CSMD1: variants seen among roughly 807,000 people sequenced by gnomAD.
The protein encoded by CSMD1 is CUB and sushi domain-containing protein 1.
A neutral mutation model predicts 417.5 loss-of-function variants in CSMD1; 213 were observed. That is an observed-to-expected ratio of 0.51 (90% confidence interval 0.46 to 0.57). The LOEUF (loss-of-function observed/expected upper bound fraction) is 0.57. CSMD1 is among the 20% of genes least tolerant of loss of function. The pLI, the probability that CSMD1 is intolerant of heterozygous loss-of-function variation, is 0.00. For missense variants in CSMD1, 6,923 were observed against 4,529.7 expected (o/e 1.53, Z -15.17); for synonymous variants, 2,862 against 1,736.8 (o/e 1.65, Z -16.11).
intron 3 of CSMD1, among the ~76,000 whole-genome samples, chr8:4,290,385 A>G (rs1488029843): frequency 5.9e-5 from 9 of 152,244 alleles, no homozygotes; most frequent in Admixed American, 5.2e-4. Context: ...CCAAAGACGT[A>G]GGAAGTGGTA....
chr8:4,912,855 G>T (rs1281095982), intron 1 of CSMD1, among the ~76,000 whole-genome samples: 1 of 151,886 alleles, frequency 6.6e-6, no homozygotes, highest in Non-Finnish European at 1.5e-5. Flanking sequence ...GTGCAACCTT[G>T]GCTTACTACA....
intron 3 of CSMD1, among the ~76,000 whole-genome samples, chr8:4,250,130 A>T (rs1447783271): frequency 6.6e-6 from 1 of 152,162 alleles, no homozygotes; most frequent in Non-Finnish European, 1.5e-5. Context: ...ATCAACTACC[A>T]GTGACTTCAT....
intron 5 of CSMD1, among the ~76,000 whole-genome samples, chr8:3,865,323 A>T (rs889981116): frequency 6.6e-6 from 1 of 152,118 alleles, no homozygotes; most frequent in Non-Finnish European, 1.5e-5. Context: ...CTCAATTTTT[A>T]ATCTGTAAAC....
At chr8:4,008,588 C>CTTTCTTTT (rs1563312899) in intron 4 of CSMD1, among the ~76,000 whole-genome samples, 1 of 87,860 alleles carries the variant, frequency 1.1e-5, no homozygotes, top group Non-Finnish European at 2.5e-5. Flanking sequence ...TCAGTATTTT[C>CTTTCTTTT]TTTCTTTTTT....
At chr8:4,461,108 C>G (rs966622881) in intron 2 of CSMD1, among the ~76,000 whole-genome samples, 3 of 150,614 alleles carry the variant, frequency 2.0e-5, no homozygotes, top group Admixed American at 6.6e-5. Context: ...GGCTTAGCAT[C>G]TGAAAATCTA....
chr8:4,588,541 T>A (rs1799818313), intron 2 of CSMD1, among the ~76,000 whole-genome samples: 1 of 151,966 alleles, frequency 6.6e-6, no homozygotes, highest in African/African-American at 2.4e-5. Context: ...ATGCCTGTAA[T>A]CCCAGCCCTT....
At chr8:4,616,796 G>C (rs928203067) in intron 2 of CSMD1, among the ~76,000 whole-genome samples, 1 of 152,154 alleles carries the variant, frequency 6.6e-6, no homozygotes, top group Non-Finnish European at 1.5e-5. Flanking sequence ...GTAGAATCCA[G>C]AGGAAAAAAC....
At chr8:3,795,851 ATATCTATCAT>A (rs1800057815) in intron 5 of CSMD1, among the ~76,000 whole-genome samples, 1 of 87,688 alleles carries the variant, frequency 1.1e-5, no homozygotes, top group Admixed American at 1.2e-4. Context: ...ATATAGATAT[ATATCTATCAT>A]GTACAGATAT....
At chr8:4,590,762 G>C (rs978590563) in intron 2 of CSMD1, among the ~76,000 whole-genome samples, 4 of 151,926 alleles carry the variant, frequency 2.6e-5, no homozygotes, top group Admixed American at 6.6e-5. Context: ...GCTTATCTGA[G>C]GACACTAGTA....
chr8:4,783,081 T>G (rs73179615), intron 1 of CSMD1, among the ~76,000 whole-genome samples: 1 of 152,130 alleles, frequency 6.6e-6, no homozygotes, highest in Non-Finnish European at 1.5e-5. Context: ...TAAATGATTG[T>G]AAAATCAATT....
At chr8:4,184,302 C>G (rs976005821) in intron 3 of CSMD1, among the ~76,000 whole-genome samples, 1 of 152,124 alleles carries the variant, frequency 6.6e-6, no homozygotes, top group African/African-American at 2.4e-5. Flanking sequence ...GAATTAATGG[C>G]TGAGGCTAAC....
intron 2 of CSMD1, 53 bp from the exon 3 acceptor site, chr8:4,420,118 A>G: frequency 7.5e-7 from 1 of 1,338,362 alleles, no homozygotes; most frequent in Non-Finnish European, 1.0e-6. Flanking sequence ...ATTTGTCAAA[A>G]AAAGCTTATT....
At chr8:3,873,223 C>CAATCATTCT (rs1805599942) in intron 5 of CSMD1, among the ~76,000 whole-genome samples, 1 of 152,230 alleles carries the variant, frequency 6.6e-6, no homozygotes, top group Admixed American at 6.5e-5. Context: ...AAAGGAACAG[C>CAATCATTCT]AATCATTCTA....
intron 3 of CSMD1, among the ~76,000 whole-genome samples, chr8:4,090,870 T>C (rs546140853): frequency 3.3e-5 from 5 of 152,300 alleles, no homozygotes; most frequent in African/African-American, 1.2e-4. Flanking sequence ...ACTATTTTAC[T>C]AATGGATGCT....
chr8:4,935,397 C>A (rs1031467774), intron 1 of CSMD1, among the ~76,000 whole-genome samples: 2 of 152,180 alleles, frequency 1.3e-5, no homozygotes, highest in African/African-American at 2.4e-5. Context: ...CTCAAAAGCC[C>A]TATTACTCTG....
At chr8:4,825,960 T>C (rs925565955) in intron 1 of CSMD1, among the ~76,000 whole-genome samples, 2 of 152,112 alleles carry the variant, frequency 1.3e-5, no homozygotes, top group African/African-American at 4.8e-5. Flanking sequence ...TCTTTGAGGA[T>C]GACTAATTTT....
At chr8:4,120,701 A>G (rs1269136269) in intron 3 of CSMD1, among the ~76,000 whole-genome samples, 2 of 152,224 alleles carry the variant, frequency 1.3e-5, no homozygotes, top group African/African-American at 2.4e-5. Flanking sequence ...CCAAATACAT[A>G]TTCAGAAACA....
chr8:4,884,248 T>C (rs1338413284), intron 1 of CSMD1, among the ~76,000 whole-genome samples: 1 of 152,016 alleles, frequency 6.6e-6, no homozygotes, highest in Non-Finnish European at 1.5e-5. Context: ...TATGTTTATA[T>C]ATACATGTTA....
chr8:4,001,866 G>T (rs1341147788), intron 4 of CSMD1, among the ~76,000 whole-genome samples: 1 of 150,804 alleles, frequency 6.6e-6, no homozygotes, highest in Non-Finnish European at 1.5e-5. Context: ...CAAATAAAAT[G>T]AAGAAAAAAA....
Sources: allele counts gnomAD v4.1 joint callset (sites outside exome capture counted in the v4.1 genomes callset), GRCh38; gene constraint gnomAD v4.1.1; transcripts MANE v1.5; gene names NCBI Gene and HGNC (gene_info 2026-07-23, HGNC 2026-07-21).